SHCBP1: variants seen among roughly 807,000 people sequenced by gnomAD.
SHCBP1 encodes the protein SHC SH2 domain-binding protein 1.
In SHCBP1, 60 loss-of-function variants were observed where a neutral mutation model predicts 75.1. The ratio of observed to expected loss-of-function variants is 0.80; its 90% confidence interval spans 0.65 to 0.99. SHCBP1 has a LOEUF of 0.99. SHCBP1 is among the 50% of genes least tolerant of loss of function. SHCBP1 has a pLI of 0.00. For missense variants in SHCBP1, 709 were observed against 809.4 expected (o/e 0.88, Z 1.50); for synonymous variants, 290 against 293.2 (o/e 0.99, Z 0.11).
chr16:46,603,399 T>C (rs539323625), intron 8 of SHCBP1, 140 bp downstream of exon 8: 10 of 1,216,364 alleles, frequency 8.2e-6, no homozygotes, highest in African/African-American at 1.5e-5. Context: ...CAGCTTTCCA[T>C]GTCCTTAATG....
chr16:46,594,106 T>C (rs1168665301), intron 10 of SHCBP1, among the ~76,000 whole-genome samples: 1 of 151,890 alleles, frequency 6.6e-6, no homozygotes. Flanking sequence ...CAAAATTAAC[T>C]AGAAAATGGA....
Position 46,583,563 on chromosome 16 carries a change from G to A in SHCBP1, c.1646C>T (p.Pro549Leu), listed in dbSNP as rs940026008. ...NEGYGVVLVKPTIFSDLQENA... is the reference protein window; with the variant it reads ...NEGYGVVLVKLTIFSDLQENA... ...TTCTTGCAGGTCAGAGAAGATTGTA[G>A]GTTTCACCAAGACAACACCATAACC... is the stretch of plus-strand genomic sequence containing the variant. The change falls in exon 12 of 13, where the codon CCT (proline) becomes CTT (leucine). Residue 549 changes from proline to leucine, a missense_variant. Coordinates refer to ENST00000303383, the MANE Select transcript of SHCBP1 (RefSeq NM_024745.5). 76 of 1,610,330 alleles carry A rather than the reference G, an allele frequency of 4.7e-5. 1 individual carries two copies. The highest frequency in any genetic ancestry group is 6.4e-5 in the Non-Finnish European group (75 of 1,179,244).
chr16:46,617,675 G>T lies in SHCBP1; in HGVS notation c.346C>A (p.Arg116=). 3 of 1,613,648 alleles carry T rather than the reference G, an allele frequency of 1.9e-6. No individual in the cohort carries two copies. The highest frequency in any genetic ancestry group is 2.5e-6 in the Non-Finnish European group (3 of 1,179,986). ...AACACATTAGTGTGCCAGACTGCCC[G>T]CCATCCAGATGGCTCAAGGACCTTC... ...LEKVLEPSGW[R]AVWHTNVFKV... Residue 116 remains arginine (R), a synonymous_variant, in exon 3 of 13, where the codon CGG becomes AGG. Coordinates refer to ENST00000303383, the MANE Select transcript of SHCBP1 (RefSeq NM_024745.5).
In SHCBP1 at chr16:46,621,276, C is replaced by T. The variant is rs888881675; in HGVS notation, c.84G>A (p.Glu28=). 11 of 1,609,994 alleles carry T rather than the reference C, an allele frequency of 6.8e-6. No homozygotes were observed. The highest frequency in any genetic ancestry group is 9.3e-6 in the Non-Finnish European group (11 of 1,178,816). Residue 28 remains glutamate, a synonymous_variant, in exon 1 of 13, where the codon GAG becomes GAA. Coordinates refer to ENST00000303383, the MANE Select transcript of SHCBP1 (RefSeq NM_024745.5). ...GCTCACCTTTCTCCAGAGACGCCAG[C>T]TCCTGCTCCACCGCCCAGCCCATGC... ...PERMGWAVEQ[E]LASLEKGLFQ...
In SHCBP1 at chr16:46,599,688, A is replaced by ACAAAAAAAAAC. The variant is rs777989423; in HGVS notation, c.1345+142_1345+143insGTTTTTTTTTG. On this transcript the variant is annotated intron_variant, in intron 9 of 12. Transcript: ENST00000303383. ...AATTTGTAAAAAAAAAAAAAAAAAAAAAAACTCAGCATCGTGAAGTGCAAT... is the reference window on the plus strand; with the variant it reads ...AATTTGTAAAAAAAAAAAAAAAAAAACAAAAAAAAACAAAACTCAGCATCGTGAAGTGCAAT... The ACAAAAAAAAAC allele has an allele frequency of 8.0e-5, 6 of 74,620 alleles. 1 individual carries two copies. Among genetic ancestry groups the ACAAAAAAAAAC allele is most frequent in the Non-Finnish European group, 1.2e-4 (5 of 42,136 alleles). The allele number at this position is 74,620 out of a possible 1,614,324, so 4.6% of individuals were successfully genotyped here. A position where few individuals can be genotyped will look rare whatever the true frequency, so the allele number is the denominator to read the frequency against.
At chr16:46,593,717 T>C (rs1375725192) in intron 10 of SHCBP1, among the ~76,000 whole-genome samples, 1 of 69,150 alleles carries the variant, frequency 1.4e-5, no homozygotes, top group Non-Finnish European at 3.0e-5. Flanking sequence ...CCAGCCTGAG[T>C]GACAGAACAA....
chr16:46,617,595 A>C (rs559128305), intron 3 of SHCBP1, 39 bp downstream of exon 3: 2 of 1,532,470 alleles, frequency 1.3e-6, no homozygotes, highest in Non-Finnish European at 1.8e-6. Flanking sequence ...AAAGTGCTTA[A>C]AGCTAGAGAC....
In SHCBP1 at chr16:46,617,709, C is replaced by G; in HGVS notation, c.312G>C (p.Glu104Asp). ...KASEVQEFTA[E>D]FLEKVLEPSG... ...ATGGCTCAAGGACCTTCTCCAAGAA[C>G]TCAGCTGTGAATTCCTGTACCTCAG... The change falls in exon 3 of 13, where the codon GAG becomes GAC. Residue 104 changes from glutamate to aspartate, a missense_variant. Transcript: ENST00000303383. 6.2e-7 allele frequency: 1 copy of G among 1,613,162 alleles called. No homozygotes were observed. Among genetic ancestry groups the G allele is most frequent in the Non-Finnish European group, 8.5e-7 (1 of 1,180,034 alleles).
At chr16:46,596,898 T>A (rs1255902509) in intron 9 of SHCBP1, among the ~76,000 whole-genome samples, 1 of 151,422 alleles carries the variant, frequency 6.6e-6, no homozygotes, top group Admixed American at 6.6e-5. Flanking sequence ...TGGCTAGTTT[T>A]TGTATTTTTA....
At chr16:46,600,295 C>T (rs1225949625) in intron 8 of SHCBP1, among the ~76,000 whole-genome samples, 1 of 152,034 alleles carries the variant, frequency 6.6e-6, no homozygotes, top group Admixed American at 6.5e-5. Flanking sequence ...AGTGAGATTC[C>T]ATCTCTACAA....
chr16:46,617,580 G>A, intron 3 of SHCBP1, 54 bp downstream of exon 3: 1 of 1,370,160 alleles, frequency 7.3e-7, no homozygotes, highest in East Asian at 2.3e-5. Flanking sequence ...ATAACAGTCT[G>A]AAGTAAAGTG....
intron 8 of SHCBP1, among the ~76,000 whole-genome samples, 155 bp downstream of exon 8, chr16:46,603,384 C>G (rs1965273021): frequency 6.6e-6 from 1 of 152,220 alleles, no homozygotes; most frequent in Admixed American, 6.5e-5. Context: ...GGGTCAACCT[C>G]TTTTCAGCTT....
rs1478358338 is a variant in SHCBP1 at position 46,579,665 on chromosome 16, T to A, written c.*2064A>T. ...AAATACAAAAAAAAGGCCAGGCACG[T>A]GGCTCATGCCTGTAATCCCAGCACT... On this transcript the variant is annotated 3_prime_UTR_variant, in exon 13 of 13. Coordinates refer to ENST00000303383, the MANE Select transcript of SHCBP1 (RefSeq NM_024745.5). Among the ~76,000 whole-genome samples, 1 of 151,750 alleles carries A rather than the reference T, an allele frequency of 6.6e-6. No homozygotes were observed. Among genetic ancestry groups the A allele is most frequent in the African/African-American group, 2.4e-5 (1 of 41,280 alleles).
chr16:46,588,950 G>A (rs1421708219), intron 10 of SHCBP1, among the ~76,000 whole-genome samples: 1 of 152,206 alleles, frequency 6.6e-6, no homozygotes, highest in Non-Finnish European at 1.5e-5. Flanking sequence ...GAATCCAGCA[G>A]CACATCAAAA....
intron 10 of SHCBP1, among the ~76,000 whole-genome samples, chr16:46,587,024 G>C (rs12447101): frequency 0.96 from 145,442 of 152,182 alleles, 69,827 homozygotes; most frequent in East Asian, 1. Context: ...AAAGAACACA[G>C]TAAGCAAAGA....
chr16:46,617,561 A>G, intron 3 of SHCBP1, 73 bp downstream of exon 3: 5 of 1,111,662 alleles, frequency 4.5e-6, no homozygotes, highest in Middle Eastern at 2.2e-4. Flanking sequence ...AAAAATAAGC[A>G]CTTTGGATAT....
At chr16:46,583,688 C>G (rs776184303) in intron 11 of SHCBP1, 31 bp from the exon 12 acceptor site, 71 of 1,580,968 alleles carry the variant, frequency 4.5e-5, no homozygotes, top group Non-Finnish European at 5.7e-5. Context: ...GTTTTAGGAA[C>G]TGTCATATTC....
Position 46,581,880 on chromosome 16 carries a change from G to T in SHCBP1, c.1868C>A (p.Thr623Lys), listed in dbSNP as rs146732663. Residue 623 changes from threonine to lysine, a missense_variant, in exon 13 of 13, where the codon ACA (threonine) becomes AAA (lysine). By Grantham distance (78) the Thr-to-Lys change is moderately conservative. Coordinates refer to ENST00000303383, the MANE Select transcript of SHCBP1 (RefSeq NM_024745.5). ...EIVNELIAAS[T>K]QKGQIKKKRL... is the part of the protein sequence containing the mutation. The stretch of plus-strand genomic sequence containing the variant: ...TTTCTTCTTTATCTGGCCTTTCTGT[G>T]TGGAGGCAGCAATTAGTTCATTTAC... 1 of 1,614,056 alleles carries T rather than the reference G, an allele frequency of 6.2e-7. No individual in the cohort carries two copies. The highest frequency in any genetic ancestry group is 2.2e-5 in the East Asian group (1 of 44,880).
chr16:46,608,487 A>C, intron 4 of SHCBP1, 98 bp from the exon 5 acceptor site: 3 of 754,188 alleles, frequency 4.0e-6, no homozygotes, highest in Non-Finnish European at 6.7e-6. Flanking sequence ...AACAATTCTC[A>C]TATCTTAGAG....
Sources: allele counts gnomAD v4.1 joint callset (sites outside exome capture counted in the v4.1 genomes callset), GRCh38; gene constraint gnomAD v4.1.1; transcripts MANE v1.5; gene names NCBI Gene and HGNC (gene_info 2026-07-23, HGNC 2026-07-21).